The following CAMK1D variants were observed in gnomAD, a reference collection of about 807,000 sequenced individuals.
The protein encoded by CAMK1D is calcium/calmodulin dependent protein kinase ID.
In CAMK1D, 9 loss-of-function variants were observed where a neutral mutation model predicts 47.7. That is an observed-to-expected ratio of 0.19 (90% CI 0.11 to 0.33). CAMK1D has a LOEUF of 0.33. CAMK1D is among the 10% of genes least tolerant of loss of function. The pLI is 1.00. For missense variants in CAMK1D, 291 were observed against 488.7 expected (o/e 0.60, Z 3.81); for synonymous variants, 184 against 184.9 (o/e 0.99, Z 0.04).
At chr10:12,786,346 ATTTT>A (rs1367371245) in intron 5 of CAMK1D, among the ~76,000 whole-genome samples, 1 of 152,190 alleles carries the variant, frequency 6.6e-6, no homozygotes, top group African/African-American at 2.4e-5. Context: ...AAATATTTGT[ATTTT>A]GTTGGTCGAT....
intron 2 of CAMK1D, among the ~76,000 whole-genome samples, chr10:12,599,802 C>T (rs1401418829): frequency 1.3e-5 from 2 of 152,216 alleles, no homozygotes; most frequent in African/African-American, 4.8e-5. Context: ...TTGCCAGCTT[C>T]TGGGGATGAG....
chr10:12,564,162 T>A (rs1837051683), intron 2 of CAMK1D, among the ~76,000 whole-genome samples: 1 of 150,834 alleles, frequency 6.6e-6, no homozygotes, highest in South Asian at 2.1e-4. Flanking sequence ...TCTCTCTCTC[T>A]CTCTCTCTCT....
chr10:12,666,441 C>G (rs184281996), intron 2 of CAMK1D, among the ~76,000 whole-genome samples: 42 of 152,182 alleles, frequency 2.8e-4, no homozygotes, highest in African/African-American at 1.0e-3. Context: ...GAGTTGGGCT[C>G]TACAAGATAA....
chr10:12,614,272 G>A (rs954240610), intron 2 of CAMK1D, among the ~76,000 whole-genome samples: 4 of 152,170 alleles, frequency 2.6e-5, no homozygotes, highest in African/African-American at 7.2e-5. Flanking sequence ...ACACACTACC[G>A]TGTAGCAAGT....
At chr10:12,659,039 G>T (rs1840198230) in intron 2 of CAMK1D, among the ~76,000 whole-genome samples, 1 of 152,210 alleles carries the variant, frequency 6.6e-6, no homozygotes. Flanking sequence ...GGCTTCGGAA[G>T]CTGTAAGCAT....
chr10:12,371,948 T>C (rs1838018344), intron 1 of CAMK1D, among the ~76,000 whole-genome samples: 1 of 152,122 alleles, frequency 6.6e-6, no homozygotes, highest in African/African-American at 2.4e-5. Context: ...ATTACAGGTG[T>C]GAGCCGTGGT....
chr10:12,444,597 A>G (rs1410507687), intron 1 of CAMK1D, among the ~76,000 whole-genome samples: 7 of 152,198 alleles, frequency 4.6e-5, no homozygotes, highest in Admixed American at 6.5e-5. Flanking sequence ...TAAGGTGTAC[A>G]TTGGTTTGGT....
At chr10:12,666,382 T>C (rs556221961) in intron 2 of CAMK1D, among the ~76,000 whole-genome samples, 23 of 152,304 alleles carry the variant, frequency 1.5e-4, no homozygotes, top group Non-Finnish European at 3.1e-4. Flanking sequence ...TGATGGCCAC[T>C]GGGAGACAAC....
intron 1 of CAMK1D, among the ~76,000 whole-genome samples, chr10:12,495,709 G>A (rs1834518110): frequency 6.6e-6 from 1 of 152,238 alleles, no homozygotes; most frequent in South Asian, 2.1e-4. Context: ...AAGGAAGAAT[G>A]TCCAACAGGA....
intron 1 of CAMK1D, among the ~76,000 whole-genome samples, chr10:12,359,705 T>G (rs1029516207): frequency 6.6e-6 from 1 of 152,220 alleles, no homozygotes; most frequent in Non-Finnish European, 1.5e-5. Flanking sequence ...CTTTCTGCTT[T>G]GTTTCTTATT....
intron 3 of CAMK1D, among the ~76,000 whole-genome samples, chr10:12,694,062 ATAAT>A (rs1457063149): frequency 6.3e-5 from 4 of 63,442 alleles, no homozygotes; most frequent in African/African-American, 2.6e-4. Flanking sequence ...TATTATATAT[ATAAT>A]ATATAAAAAA....
intron 3 of CAMK1D, among the ~76,000 whole-genome samples, chr10:12,733,232 G>A (rs1834974845): frequency 6.6e-6 from 1 of 152,230 alleles, no homozygotes; most frequent in African/African-American, 2.4e-5. Context: ...AGGAGGATGA[G>A]TCATTCAGGG....
At chr10:12,554,163 CTCCTT>C (rs1238646779) in intron 2 of CAMK1D, among the ~76,000 whole-genome samples, 1 of 150,988 alleles carries the variant, frequency 6.6e-6, no homozygotes, top group Non-Finnish European at 1.5e-5. Context: ...CCCCTCTCCT[CTCCTT>C]TCCTTTCCTG....
intron 2 of CAMK1D, among the ~76,000 whole-genome samples, chr10:12,644,367 G>C (rs771561294): frequency 8.5e-5 from 13 of 152,164 alleles, no homozygotes; most frequent in Non-Finnish European, 1.8e-4. Context: ...AAGTGACTAA[G>C]CCTTTGACAC....
At chr10:12,645,414 G>T (rs1416857473) in intron 2 of CAMK1D, among the ~76,000 whole-genome samples, 4 of 152,146 alleles carry the variant, frequency 2.6e-5, no homozygotes, top group Non-Finnish European at 4.4e-5. Context: ...CGTCAAATCG[G>T]CTTAAGTGAC....
chr10:12,413,930 C>T (rs1265543330), intron 1 of CAMK1D, among the ~76,000 whole-genome samples: 1 of 152,118 alleles, frequency 6.6e-6, no homozygotes, highest in Non-Finnish European at 1.5e-5. Flanking sequence ...AAGGGCTTAT[C>T]CCTTTTTCAC....
intron 2 of CAMK1D, among the ~76,000 whole-genome samples, chr10:12,609,182 C>T (rs1838552431): frequency 6.6e-6 from 1 of 152,140 alleles, no homozygotes; most frequent in Admixed American, 6.5e-5. Flanking sequence ...AGTCATGACC[C>T]AGCCTTGTCT....
intron 2 of CAMK1D, among the ~76,000 whole-genome samples, chr10:12,623,152 C>T (rs185743201): frequency 0.015 from 185 of 11,950 alleles, 15 homozygotes; most frequent in African/African-American, 0.048. Flanking sequence ...TCCCTTCCTT[C>T]CTCCCTCCTT....
At chr10:12,368,943 G>C (rs545269022) in intron 1 of CAMK1D, among the ~76,000 whole-genome samples, 5 of 152,064 alleles carry the variant, frequency 3.3e-5, no homozygotes, top group Non-Finnish European at 5.9e-5. Context: ...TCAGGCTCCC[G>C]AGTAGCTGGG....
Sources: allele counts gnomAD v4.1 joint callset (sites outside exome capture counted in the v4.1 genomes callset), GRCh38; gene constraint gnomAD v4.1.1; transcripts MANE v1.5; gene names NCBI Gene and HGNC (gene_info 2026-07-23, HGNC 2026-07-21).